RP1: variants seen among roughly 807,000 people sequenced by gnomAD.
RP1 encodes oxygen-regulated protein 1.
A neutral mutation model predicts 14.8 loss-of-function variants in RP1; 16 were observed. The observed-to-expected ratio is 1.08, with a 90% CI of 0.73 to 1.65. RP1 has a LOEUF of 1.65. RP1 is among the 40% of genes most tolerant of loss of function. The pLI is 0.00. For missense variants in RP1, 2,631 were observed against 2,535.0 expected (o/e 1.04, Z -0.81); for synonymous variants, 876 against 883.6 (o/e 0.99, Z 0.15).
intron 1 of RP1, among the ~76,000 whole-genome samples, chr8:54,577,039 A>G (rs1025777464): frequency 2.6e-5 from 4 of 151,746 alleles, no homozygotes; most frequent in African/African-American, 9.7e-5. Context: ...TTTTTTTGAG[A>G]TGGTGTTTCA....
exon 22 of RP1, chr8:54,758,943 G>T (rs1809571274): frequency 7.2e-6 from 11 of 1,535,768 alleles, no homozygotes; most frequent in Non-Finnish European, 9.6e-6. Flanking sequence ...TCAAGTAGCA[G>T]CAGTGTCGCT....
chr8:54,862,294 TC>T (rs1255304737), intron 27 of RP1, among the ~76,000 whole-genome samples: 2 of 152,188 alleles, frequency 1.3e-5, no homozygotes, highest in Non-Finnish European at 2.9e-5. Context: ...TATAAGAACT[TC>T]TATTACGTCA....
chr8:54,779,432 C>T (rs1157535289), intron 23 of RP1, among the ~76,000 whole-genome samples: 1 of 152,220 alleles, frequency 6.6e-6, no homozygotes, highest in Non-Finnish European at 1.5e-5. Flanking sequence ...CATGCATCTT[C>T]TCTGCATTTC....
intron 14 of RP1, among the ~76,000 whole-genome samples, chr8:54,706,066 T>C (rs1459995784): frequency 2.6e-5 from 4 of 152,210 alleles, no homozygotes; most frequent in Non-Finnish European, 4.4e-5. Flanking sequence ...TACATTTAAA[T>C]ATCCATAGAG....
At chr8:54,840,760 A>G (rs988374548) in intron 25 of RP1, among the ~76,000 whole-genome samples, 3 of 152,060 alleles carry the variant, frequency 2.0e-5, no homozygotes, top group Admixed American at 6.5e-5. Flanking sequence ...TCCTTTCTCC[A>G]GACTAGCTAA....
In RP1 at chr8:54,645,158, C is replaced by T. The variant is rs550154762; in HGVS notation, c.788-3827C>T. Reference sequence around the variant, plus strand: ...AACCTGTTGATGGACATTTGGGTTACTCCAGTTTCTGGCTATTGTGAGTAA... The same window carrying T: ...AACCTGTTGATGGACATTTGGGTTATTCCAGTTTCTGGCTATTGTGAGTAA... On this transcript the variant is annotated intron_variant, in intron 3 of 22. Transcript: ENST00000636932. Among the ~76,000 whole-genome samples, 7 of 152,290 alleles carry T rather than the reference C, an allele frequency of 4.6e-5. No homozygotes were observed. In the South Asian group the frequency reaches 1.2e-3, roughly 27 times the overall value.
At chr8:54,758,768 A>G (rs1809567697) in intron 21 of RP1, among the ~76,000 whole-genome samples, 1 of 152,214 alleles carries the variant, frequency 6.6e-6, no homozygotes, top group South Asian at 2.1e-4. Flanking sequence ...TATTTTTCTC[A>G]CCATATTGCC....
At chr8:54,570,194 C>T (rs1355219933) in intron 1 of RP1, among the ~76,000 whole-genome samples, 4 of 152,162 alleles carry the variant, frequency 2.6e-5, no homozygotes, top group Non-Finnish European at 5.9e-5. Context: ...CAGAAGGAAG[C>T]CTGTGCTCCT....
At chr8:54,608,097 C>A (rs1805504712) in intron 1 of RP1, among the ~76,000 whole-genome samples, 1 of 151,968 alleles carries the variant, frequency 6.6e-6, no homozygotes, top group Non-Finnish European at 1.5e-5. Flanking sequence ...CCCGGTACCT[C>A]AGTTGGAAAT....
In RP1 at chr8:54,628,207, C is replaced by A. The variant is rs1470746152; in HGVS notation, c.4325C>A (p.Pro1442Gln). 6.2e-7 allele frequency: 1 copy of A among 1,613,916 alleles called. No homozygotes were observed. The highest frequency in any genetic ancestry group is 1.7e-5 in the Admixed American group (1 of 60,002). ...NAYTSFDMEE[P>Q]RTSEEPGSIT... ...TATACTTCCTTTGATATGGAAGAACCACGGACTTCTGAAGAACCAGGCTCA... is the reference window on the plus strand; with the variant it reads ...TATACTTCCTTTGATATGGAAGAACAACGGACTTCTGAAGAACCAGGCTCA... Residue 1442 changes from proline to glutamine, a missense_variant, in exon 4 of 4, where the codon CCA becomes CAA. Coordinates refer to ENST00000220676, the MANE Select transcript of RP1 (RefSeq NM_006269.2).
chr8:54,585,297 T>C (rs1193451513), intron 1 of RP1, among the ~76,000 whole-genome samples: 1 of 152,244 alleles, frequency 6.6e-6, no homozygotes, highest in East Asian at 1.9e-4. Flanking sequence ...TTGAAAATTC[T>C]TTTCTTTAAG....
At position 54,701,183 on chromosome 8, in the gene RP1, G is replaced by C. The variant is rs151254719; in HGVS notation, c.1822-303G>C. On this transcript the variant is annotated intron_variant, in intron 13 of 22. Transcript: ENST00000636932. ...ACTCTTAAATTAGGAGGACACAAAT[G>C]AGAAAATGAAAAAAAATGATAAGAT... Among the ~76,000 whole-genome samples the C allele has an allele frequency of 3.1e-3, 475 of 151,986 alleles. 5 individuals carry two copies. The highest frequency in any genetic ancestry group is 0.011 in the African/African-American group (455 of 41,486).
chr8:54,768,588 T>C (rs906244851), intron 22 of RP1, among the ~76,000 whole-genome samples: 1 of 152,172 alleles, frequency 6.6e-6, no homozygotes, highest in African/African-American at 2.4e-5. Flanking sequence ...TGTGGTATAA[T>C]AATAAAACTG....
downstream of RP1, among the ~76,000 whole-genome samples, chr8:54,771,976 A>G (rs1809920986): frequency 6.6e-6 from 1 of 152,066 alleles, no homozygotes; most frequent in Admixed American, 6.5e-5. Context: ...CCAAAATGCT[A>G]TTTAAATTTA....
chr8:54,563,847 C>G (rs1391058901), intron 1 of RP1, among the ~76,000 whole-genome samples: 1 of 152,154 alleles, frequency 6.6e-6, no homozygotes, highest in Non-Finnish European at 1.5e-5. Flanking sequence ...CCACGCCCGG[C>G]CTACTATTTG....
At chr8:54,765,037 C>T (rs773737537) in intron 22 of RP1, among the ~76,000 whole-genome samples, 5 of 152,244 alleles carry the variant, frequency 3.3e-5, no homozygotes, top group South Asian at 2.1e-4. Context: ...AAGGGGGCTC[C>T]GCCTTGACGG....
intron 24 of RP1, among the ~76,000 whole-genome samples, chr8:54,825,920 C>T (rs1194477851): frequency 2.0e-5 from 3 of 151,188 alleles, no homozygotes; most frequent in Non-Finnish European, 4.4e-5. Flanking sequence ...AAAAAAAAAT[C>T]AGCCTGGTGC....
rs561523389 is a variant in RP1 at position 54,760,794 on chromosome 8, C to T, written c.3248+1718C>T. The stretch of plus-strand genomic sequence containing the variant: ...GAGGACCTTTCCTTGCTCTCTTCTC[C>T]CCATTATAATCCTGTCCATCCTCAA... On this transcript the variant is annotated intron_variant, in intron 22 of 22. Transcript: ENST00000636932. Among the ~76,000 whole-genome samples, 21 of 152,246 alleles carry T rather than the reference C, an allele frequency of 1.4e-4. No individual in the cohort carries two copies. The East Asian group carries it at 3.3e-3, about 24-fold the overall frequency.
intron 23 of RP1, among the ~76,000 whole-genome samples, chr8:54,776,934 C>T (rs749467788): frequency 6.6e-6 from 1 of 152,200 alleles, no homozygotes; most frequent in Non-Finnish European, 1.5e-5. Context: ...CAAGCTCTCA[C>T]ATGCGGGTGT....
Sources: allele counts gnomAD v4.1 joint callset (sites outside exome capture counted in the v4.1 genomes callset), GRCh38; gene constraint gnomAD v4.1.1; transcripts MANE v1.5; gene names NCBI Gene and HGNC (gene_info 2026-07-23, HGNC 2026-07-21).